ANTXR1: variants seen among roughly 807,000 people sequenced by gnomAD.
The protein encoded by ANTXR1 is ANTXR cell adhesion molecule 1, also known as anthrax toxin receptor 1.
Under a neutral mutation model 78.1 loss-of-function variants are expected in ANTXR1, and 19 were observed. That is an observed-to-expected ratio of 0.24 (90% CI 0.17 to 0.36). The LOEUF (loss-of-function observed/expected upper bound fraction) is 0.36, where lower values mean the gene tolerates loss of function less well. Among genes scored for constraint, ANTXR1 ranks in the 10% least tolerant of loss-of-function variants. The pLI, the probability that ANTXR1 is intolerant of heterozygous loss-of-function variation, is 1.00. For missense variants in ANTXR1, 518 were observed against 718.6 expected (o/e 0.72, Z 3.19); for synonymous variants, 273 against 260.5 (o/e 1.05, Z -0.46).
At chr2:69,205,885 C>G (rs1351791100) in intron 17 of ANTXR1, among the ~76,000 whole-genome samples, 1 of 152,036 alleles carries the variant, frequency 6.6e-6, no homozygotes, top group African/African-American at 2.4e-5. Context: ...TTTGTCATTG[C>G]CATTTATTAA....
At chr2:69,175,617 C>G (rs921265531) in intron 14 of ANTXR1, among the ~76,000 whole-genome samples, 10 of 152,172 alleles carry the variant, frequency 6.6e-5, no homozygotes, top group African/African-American at 2.4e-4. Context: ...GAGCAAGACC[C>G]CAACTCTTCC....
At chr2:69,129,253 C>T (rs563734992) in intron 12 of ANTXR1, among the ~76,000 whole-genome samples, 1 of 152,294 alleles carries the variant, frequency 6.6e-6, no homozygotes, top group East Asian at 1.9e-4. Flanking sequence ...TCCTTTTGAA[C>T]AAAGCAAGCA....
At chr2:69,108,606 T>C (rs545460392) in intron 10 of ANTXR1, among the ~76,000 whole-genome samples, 4 of 152,272 alleles carry the variant, frequency 2.6e-5, no homozygotes, top group African/African-American at 7.2e-5. Context: ...TTTCCTGATC[T>C]TCTCTCTCCT....
chr2:69,051,062 G>A (rs1669917726), intron 3 of ANTXR1, among the ~76,000 whole-genome samples: 1 of 152,116 alleles, frequency 6.6e-6, no homozygotes, highest in Non-Finnish European at 1.5e-5. Context: ...GAGGCAGGCT[G>A]ATCACTTGAG....
At chr2:69,217,256 G>A (rs901734216) in intron 17 of ANTXR1, among the ~76,000 whole-genome samples, 2 of 152,192 alleles carry the variant, frequency 1.3e-5, no homozygotes, top group African/African-American at 4.8e-5. Flanking sequence ...TAGGGCCTCA[G>A]GGCCTCCCAT....
chr2:69,220,077 C>T (rs1293295594), intron 17 of ANTXR1, among the ~76,000 whole-genome samples: 2 of 152,198 alleles, frequency 1.3e-5, no homozygotes, highest in Non-Finnish European at 2.9e-5. Context: ...GGCCAAGTAA[C>T]TTGAAGTCTA....
In ANTXR1 at chr2:69,126,855, A is replaced by G. The variant is rs539483734; in HGVS notation, c.951+2212A>G. Among the ~76,000 whole-genome samples, 3 of 152,356 alleles carry G rather than the reference A, an allele frequency of 2.0e-5. No homozygotes were observed. The South Asian group carries it at 6.2e-4, about 32-fold the overall frequency. On this transcript the variant is annotated intron_variant, in intron 12 of 17. Transcript: ENST00000303714. ...CATCTCCCTCATCTGAGCACATGCC[A>G]CTAAATCTTCTCTTCACTTGACCCT...
At chr2:69,206,944 C>T (rs2104493139) in intron 17 of ANTXR1, among the ~76,000 whole-genome samples, 1 of 152,298 alleles carries the variant, frequency 6.6e-6, no homozygotes, top group African/African-American at 2.4e-5. Flanking sequence ...ATCTGTGTCC[C>T]ACAGCAGGCC....
intron 17 of ANTXR1, among the ~76,000 whole-genome samples, chr2:69,227,495 T>C (rs577902598): frequency 6.6e-6 from 1 of 152,328 alleles, no homozygotes; most frequent in East Asian, 1.9e-4. Flanking sequence ...TAAAATACTG[T>C]CATCAGAAGG....
At chr2:69,106,669 G>C (rs1276881325) in intron 10 of ANTXR1, among the ~76,000 whole-genome samples, 1 of 152,222 alleles carries the variant, frequency 6.6e-6, no homozygotes, top group South Asian at 2.1e-4. Flanking sequence ...ACCAAGTCAA[G>C]AAACTAGCCC....
At chr2:69,109,732 G>A (rs570649769) in intron 10 of ANTXR1, among the ~76,000 whole-genome samples, 1 of 152,294 alleles carries the variant, frequency 6.6e-6, no homozygotes, top group East Asian at 1.9e-4. Flanking sequence ...GGGACATGAA[G>A]CTGTAAAAAT....
chr2:69,099,432 A>G (rs1377175410), intron 9 of ANTXR1, among the ~76,000 whole-genome samples: 2 of 152,214 alleles, frequency 1.3e-5, no homozygotes, highest in South Asian at 4.1e-4. Context: ...TTGTGTGGAT[A>G]TAACTTTCAA....
At chr2:69,076,478 G>A (rs576031797) in intron 7 of ANTXR1, among the ~76,000 whole-genome samples, 32 of 152,252 alleles carry the variant, frequency 2.1e-4, no homozygotes, top group South Asian at 1.7e-3. Context: ...GTAGTTCATC[G>A]TTTCTTTTTG....
intron 3 of ANTXR1, 141 bp downstream of exon 3, chr2:69,044,954 C>T (rs998855967): frequency 1.7e-5 from 13 of 785,778 alleles, no homozygotes; most frequent in African/African-American, 1.4e-4. Context: ...TTTAACCTTA[C>T]GTATGGGCAC....
chr2:69,157,267 CT>C (rs1401836447), intron 13 of ANTXR1, among the ~76,000 whole-genome samples: 1 of 152,026 alleles, frequency 6.6e-6, no homozygotes, highest in African/African-American at 2.4e-5. Context: ...CATGGGCTCT[CT>C]TTCCTCTGCT....
chr2:69,181,459 G>A (rs1244328424), intron 14 of ANTXR1, among the ~76,000 whole-genome samples: 1 of 152,176 alleles, frequency 6.6e-6, no homozygotes, highest in Non-Finnish European at 1.5e-5. Context: ...AAGCATCAGG[G>A]CTGAAGATGT....
At chr2:69,228,659 A>G (rs998706537) in intron 17 of ANTXR1, among the ~76,000 whole-genome samples, 1 of 152,200 alleles carries the variant, frequency 6.6e-6, no homozygotes, top group Non-Finnish European at 1.5e-5. Flanking sequence ...TAGGGTAAGC[A>G]CTCAGTGAGT....
chr2:69,163,314 A>T (rs1051231789), intron 13 of ANTXR1, among the ~76,000 whole-genome samples: 11 of 34,030 alleles, frequency 3.2e-4, no homozygotes, highest in Non-Finnish European at 4.8e-4. Context: ...CTTTTCATGT[A>T]AAAAAAAAAG....
At chr2:69,025,237 A>C (rs912921254) in intron 1 of ANTXR1, among the ~76,000 whole-genome samples, 1 of 152,110 alleles carries the variant, frequency 6.6e-6, no homozygotes, top group African/African-American at 2.4e-5. Flanking sequence ...TGTGGTAAGA[A>C]AAAAAATAAT....
Sources: allele counts gnomAD v4.1 joint callset (sites outside exome capture counted in the v4.1 genomes callset), GRCh38; gene constraint gnomAD v4.1.1; transcripts MANE v1.5; gene names NCBI Gene and HGNC (gene_info 2026-07-23, HGNC 2026-07-21).